The following ARIH1 variants were observed in gnomAD, a reference collection of about 807,000 sequenced individuals.
ARIH1 encodes the protein E3 ubiquitin-protein ligase ARIH1.
A neutral mutation model predicts 85.0 loss-of-function variants in ARIH1; 8 were observed. The ratio of observed to expected loss-of-function variants is 0.09; its 90% CI spans 0.06 to 0.17. The LOEUF is 0.17. Ranked by LOEUF, ARIH1 falls within the 10% of genes least tolerant of loss-of-function variation. The probability of loss-of-function intolerance (pLI) is 1.00; values close to 1 mark genes in which losing one functional copy is unlikely to be tolerated. For synonymous variants in ARIH1, 238 were observed against 253.6 expected, an observed-to-expected ratio of 0.94 and a Z score of 0.59; for missense variants, 311 against 718.1, an observed-to-expected ratio of 0.43 and a Z score of 6.48.
chr15:72,486,870 T>G (rs2063839772), intron 1 of ARIH1, among the ~76,000 whole-genome samples: 1 of 151,284 alleles, frequency 6.6e-6, no homozygotes, highest in African/African-American at 2.4e-5. Flanking sequence ...ATTTTTGTAT[T>G]TTTTGGTAGA....
At chr15:72,477,442 A>G (rs2063798991) in intron 1 of ARIH1, among the ~76,000 whole-genome samples, 2 of 152,188 alleles carry the variant, frequency 1.3e-5, no homozygotes, top group Admixed American at 6.5e-5. Context: ...TCTCAGTTCT[A>G]ATTTTCAGTG....
intron 11 of ARIH1, among the ~76,000 whole-genome samples, chr15:72,574,083 T>C (rs953346242): frequency 6.6e-6 from 1 of 152,234 alleles, no homozygotes; most frequent in South Asian, 2.1e-4. Flanking sequence ...GATATGCTGT[T>C]TATCAACAAA....
chr15:72,587,317 A>G lies in ARIH1; in HGVS notation c.*4025A>G, dbSNP rs76528369. ...GGAAGGTAGTTCTTAACTATATTGT[A>G]CTTTTAAACCACATTAAAGACTATT... is the stretch of plus-strand genomic sequence containing the variant. On this transcript the variant is annotated 3_prime_UTR_variant, in exon 14 of 14. Transcript: ENST00000379887. The G allele has an allele frequency of 4.2e-6, 1 of 236,944 alleles. No homozygotes were observed. The highest frequency in any genetic ancestry group is 5.0e-5 in the Admixed American group (1 of 20,176). The allele number at this position is 236,944 out of a possible 1,614,324, so 14.7% of individuals were successfully genotyped here. A position where few individuals can be genotyped will look rare whatever the true frequency, so the allele number is the denominator to read the frequency against.
intron 11 of ARIH1, among the ~76,000 whole-genome samples, chr15:72,574,313 C>T (rs1407257149): frequency 6.6e-6 from 1 of 152,180 alleles, no homozygotes; most frequent in African/African-American, 2.4e-5. Context: ...GAAAGATTTC[C>T]TATCACTCCA....
intron 5 of ARIH1, among the ~76,000 whole-genome samples, chr15:72,556,893 T>TGCTCACTTTTTTTTATGACTGC: frequency 6.6e-6 from 1 of 152,354 alleles, no homozygotes; most frequent in East Asian, 1.9e-4. Context: ...GACATGATTG[T>TGCTCACTTTTTTTTATGACTGC]GCTCACTTTT....
intron 11 of ARIH1, among the ~76,000 whole-genome samples, chr15:72,580,400 AGAGATACCTTTGACATACT>A (rs1000224857): frequency 1.3e-5 from 2 of 152,232 alleles, no homozygotes; most frequent in African/African-American, 4.8e-5. Flanking sequence ...GTGAGAGTAC[AGAGATACCTTTGACATACT>A]GATTTCAATT....
chr15:72,520,567 GC>G (rs2063995028), intron 2 of ARIH1, among the ~76,000 whole-genome samples: 1 of 151,866 alleles, frequency 6.6e-6, no homozygotes, highest in Non-Finnish European at 1.5e-5. Flanking sequence ...TTTAAGTTGT[GC>G]TTTATATTTG....
intron 9 of ARIH1, 113 bp from the exon 10 acceptor site, chr15:72,570,064 C>T (rs754311076): frequency 6.5e-6 from 8 of 1,225,884 alleles, no homozygotes; most frequent in Non-Finnish European, 2.3e-6. Context: ...TATGTATTAA[C>T]CACAATAAAT....
intron 5 of ARIH1, among the ~76,000 whole-genome samples, chr15:72,557,084 TC>T (rs1192584941): frequency 6.6e-6 from 1 of 152,216 alleles, no homozygotes; most frequent in African/African-American, 2.4e-5. Flanking sequence ...CTCACCAACA[TC>T]TGTTATTTTT....
chr15:72,577,157 G>T (rs1393592164), intron 11 of ARIH1, among the ~76,000 whole-genome samples: 1 of 151,118 alleles, frequency 6.6e-6, no homozygotes, highest in Non-Finnish European at 1.5e-5. Context: ...TAATTTTTTT[G>T]TATTTTTAGT....
chr15:72,581,996 T>A, intron 12 of ARIH1, 79 bp from the exon 13 acceptor site: 2 of 928,974 alleles, frequency 2.2e-6, no homozygotes, highest in Non-Finnish European at 3.4e-6. Flanking sequence ...GAGAGCAGTC[T>A]GTAGTCAACA....
At position 72,562,703 on chromosome 15, in the gene ARIH1, C is replaced by T. The variant is rs183618758; in HGVS notation, c.805-691C>T. Among the ~76,000 whole-genome samples, 14 of 151,612 alleles carry T rather than the reference C, an allele frequency of 9.2e-5. No individual in the cohort carries two copies. In the East Asian group the frequency reaches 2.5e-3, roughly 27 times the overall value. On this transcript the variant is annotated intron_variant, in intron 6 of 13. Coordinates refer to ENST00000379887, the MANE Select transcript of ARIH1 (RefSeq NM_005744.5). The stretch of plus-strand genomic sequence containing the variant: ...CTATTCTGTAGCTTCTAAACACCTT[C>T]CTTGATAAAGAGTATATCTGATTTT...
intron 7 of ARIH1, among the ~76,000 whole-genome samples, chr15:72,564,719 G>T (rs1212953310): frequency 2.0e-5 from 3 of 152,142 alleles, no homozygotes; most frequent in African/African-American, 7.2e-5. Flanking sequence ...CAGTTCTTAA[G>T]GGTGAGAAGT....
intron 9 of ARIH1, among the ~76,000 whole-genome samples, chr15:72,567,438 G>A (rs866124655): frequency 6.6e-6 from 1 of 152,004 alleles, no homozygotes; most frequent in Non-Finnish European, 1.5e-5. Flanking sequence ...TTAGTGTTCT[G>A]TAGAGGAAAA....
chr15:72,518,759 G>C (rs1052804679), intron 2 of ARIH1, among the ~76,000 whole-genome samples: 10 of 147,316 alleles, frequency 6.8e-5, no homozygotes, highest in African/African-American at 2.5e-4. Flanking sequence ...CTACACTCCA[G>C]CCTGGCAACA....
At chr15:72,522,325 C>A (rs923041105) in intron 2 of ARIH1, among the ~76,000 whole-genome samples, 1 of 152,116 alleles carries the variant, frequency 6.6e-6, no homozygotes, top group Admixed American at 6.6e-5. Flanking sequence ...ACCAGCCTGG[C>A]CTACATGGTG....
intron 10 of ARIH1, among the ~76,000 whole-genome samples, chr15:72,571,547 A>G (rs2064247287): frequency 6.6e-6 from 1 of 152,084 alleles, no homozygotes; most frequent in Non-Finnish European, 1.5e-5. Context: ...CATTCTGTAT[A>G]TCATGCAGTT....
chr15:72,543,088 G>A (rs1267072198), intron 2 of ARIH1, among the ~76,000 whole-genome samples: 5 of 150,320 alleles, frequency 3.3e-5, no homozygotes, highest in Admixed American at 1.3e-4. Flanking sequence ...ACCTGCCACC[G>A]CGCCCAGCTA....
intron 2 of ARIH1, among the ~76,000 whole-genome samples, chr15:72,521,847 C>A (rs981398178): frequency 2.0e-5 from 3 of 152,156 alleles, no homozygotes; most frequent in African/African-American, 7.2e-5. Context: ...TTGCATCCAG[C>A]ATGTCTTCTA....
Sources: allele counts gnomAD v4.1 joint callset (sites outside exome capture counted in the v4.1 genomes callset), GRCh38; gene constraint gnomAD v4.1.1; transcripts MANE v1.5; gene names NCBI Gene and HGNC (gene_info 2026-07-23, HGNC 2026-07-21).